Variants in SH3BP5 observed in about 807,000 individuals in gnomAD.
SH3BP5 encodes SH3 domain binding protein 5, also known as SH3 domain-binding protein 5.
SH3BP5 carries 22 observed loss-of-function variants against 43.3 expected under a neutral mutation model. The ratio of observed to expected loss-of-function variants is 0.51; its 90% CI spans 0.36 to 0.73. SH3BP5 has a LOEUF of 0.73. Ranked by LOEUF, SH3BP5 falls within the 30% of genes least tolerant of loss-of-function variation. The probability of loss-of-function intolerance (pLI) is 0.00; values close to 1 mark genes in which losing one functional copy is unlikely to be tolerated. For missense variants in SH3BP5, 529 were observed against 586.9 expected, an observed-to-expected ratio of 0.90 and a Z score of 1.02; for synonymous variants, 255 against 225.8, an observed-to-expected ratio of 1.13 and a Z score of -1.16.
At chr3:15,281,133 G>A (rs1279841756) in intron 3 of SH3BP5, among the ~76,000 whole-genome samples, 1 of 152,312 alleles carries the variant, frequency 6.6e-6, no homozygotes, top group South Asian at 2.1e-4. Flanking sequence ...GATGTATAAA[G>A]AACTGGGATG....
chr3:15,270,925 C>A (rs377539540), intron 3 of SH3BP5, among the ~76,000 whole-genome samples: 1,003 of 97,986 alleles, frequency 0.01, no homozygotes, highest in African/African-American at 0.015. Flanking sequence ...GACTCCATCT[C>A]AAAAAAAAAA....
intron 3 of SH3BP5, 145 bp from the exon 4 acceptor site, chr3:15,270,022 G>T: frequency 1.5e-6 from 1 of 654,408 alleles, no homozygotes; most frequent in Non-Finnish European, 2.5e-6. Context: ...GGTCCTCATA[G>T]ATGCCAGACA....
At chr3:15,259,105 T>C (rs1696334252) in intron 6 of SH3BP5, 55 bp from the exon 7 acceptor site, 3 of 1,394,364 alleles carry the variant, frequency 2.2e-6, no homozygotes, top group African/African-American at 1.4e-5. Flanking sequence ...CTTAAGATGC[T>C]TTCTGAATGA....
chr3:15,279,980 C>A (rs1410662093), intron 3 of SH3BP5, among the ~76,000 whole-genome samples: 3 of 152,152 alleles, frequency 2.0e-5, no homozygotes, highest in Non-Finnish European at 2.9e-5. Context: ...CTCCCTAATT[C>A]ATGTAAAAGC....
chr3:15,296,848 C>G (rs909642771), intron 3 of SH3BP5, among the ~76,000 whole-genome samples: 2 of 148,574 alleles, frequency 1.3e-5, no homozygotes, highest in Non-Finnish European at 3.0e-5. Flanking sequence ...CAAGCACCAC[C>G]ATGTCTGGCT....
At chr3:15,272,369 G>A (rs1047645920) in intron 3 of SH3BP5, among the ~76,000 whole-genome samples, 16 of 152,218 alleles carry the variant, frequency 1.1e-4, no homozygotes, top group Admixed American at 2.0e-4. Context: ...CAGCAGGAAG[G>A]GAGGAATGGC....
chr3:15,296,697 T>C (rs1250292661), intron 3 of SH3BP5, among the ~76,000 whole-genome samples: 1 of 144,078 alleles, frequency 6.9e-6, no homozygotes, highest in Admixed American at 6.8e-5. Flanking sequence ...GTTTTTCCTT[T>C]TTTTTTTTTT....
In SH3BP5 at chr3:15,254,514, C is replaced by G. The variant is rs1446565522; in HGVS notation, c.*1572G>C. 6.6e-6 allele frequency: 1 copy of G among 151,672 alleles called. No individual in the cohort carries two copies. Among genetic ancestry groups the G allele is most frequent in the Non-Finnish European group, 1.5e-5 (1 of 68,036 alleles). The allele number at this position is 151,672 out of a possible 1,614,324, so 9.4% of individuals were successfully genotyped here. ...GTCTAATGCCCCAGTGTACCCCCCC[C>G]AGTTAATTAATTAAATAATTCTCTG... is the stretch of plus-strand genomic sequence containing the variant. On this transcript the variant is annotated 3_prime_UTR_variant, in exon 9 of 9. Transcript: ENST00000383791.
intron 1 of SH3BP5, among the ~76,000 whole-genome samples, chr3:15,340,423 C>A (rs1363527999): frequency 6.6e-6 from 1 of 152,088 alleles, no homozygotes; most frequent in Non-Finnish European, 1.5e-5. Flanking sequence ...AGCATCTGCT[C>A]TAGTGGAGCT....
At chr3:15,256,801 G>A in intron 8 of SH3BP5, 52 bp downstream of exon 8, 1 of 1,558,426 alleles carries the variant, frequency 6.4e-7, no homozygotes. Flanking sequence ...ACAACAGTCA[G>A]GCTACAGAGG....
intron 3 of SH3BP5, among the ~76,000 whole-genome samples, chr3:15,301,981 C>G (rs528514401): frequency 6.6e-6 from 1 of 152,230 alleles, no homozygotes; most frequent in South Asian, 2.1e-4. Context: ...TTAATAGATA[C>G]GCGTGGGCTA....
At chr3:15,264,192 G>A (rs1439913124) in intron 4 of SH3BP5, 1 of 152,040 alleles carries the variant, frequency 6.6e-6, no homozygotes, top group East Asian at 1.9e-4. Context: ...GTCCTGTCTA[G>A]GGCACCCTTC....
chr3:15,290,625 G>A (rs1294926515), intron 3 of SH3BP5, among the ~76,000 whole-genome samples: 1 of 151,962 alleles, frequency 6.6e-6, no homozygotes, highest in African/African-American at 2.4e-5. Flanking sequence ...CTTGAACCTA[G>A]GAGGTGGAGC....
In SH3BP5 at chr3:15,331,449, GA is replaced by G. The variant is rs1055607898; in HGVS notation, c.138+821del. Among the ~76,000 whole-genome samples the G allele has an allele frequency of 2.0e-4, 30 of 151,694 alleles. 1 individual carries two copies. The highest frequency in any genetic ancestry group is 1.7e-3 in the Admixed American group (26 of 15,200). Reference sequence around the variant, plus strand: ...AAAAAAATGATTTATTGAAAAGGTAGAAAAAAAACGGGCCTTAGAAAGGGAT... The same window carrying G: ...AAAAAAATGATTTATTGAAAAGGTAGAAAAAAACGGGCCTTAGAAAGGGAT... On this transcript the variant is annotated intron_variant, in intron 1 of 8. Coordinates refer to ENST00000383791, the MANE Select transcript of SH3BP5 (RefSeq NM_004844.5).
chr3:15,312,753 A>T (rs1698090541), intron 2 of SH3BP5, among the ~76,000 whole-genome samples: 1 of 152,158 alleles, frequency 6.6e-6, no homozygotes, highest in Non-Finnish European at 1.5e-5. Context: ...AGCCTTCCGT[A>T]AAGAGGGGAA....
chr3:15,296,459 G>T (rs1697575202), intron 3 of SH3BP5, among the ~76,000 whole-genome samples: 2 of 152,010 alleles, frequency 1.3e-5, no homozygotes, highest in South Asian at 4.1e-4. Context: ...GGGAATGTCA[G>T]CTCCACAAGG....
intron 3 of SH3BP5, among the ~76,000 whole-genome samples, chr3:15,295,769 T>C (rs1697550894): frequency 6.6e-6 from 1 of 152,090 alleles, no homozygotes; most frequent in Admixed American, 6.5e-5. Context: ...GATGAAAACA[T>C]GGCTGGATTT....
intron 3 of SH3BP5, among the ~76,000 whole-genome samples, chr3:15,278,538 T>C (rs1697034717): frequency 6.6e-6 from 1 of 152,212 alleles, no homozygotes; most frequent in Admixed American, 6.5e-5. Context: ...GGACCAGAGA[T>C]AGAAACTGGC....
intron 6 of SH3BP5, 139 bp from the exon 7 acceptor site, chr3:15,259,189 C>G: frequency 1.5e-6 from 1 of 672,882 alleles, no homozygotes; most frequent in African/African-American, 1.8e-5. Context: ...GACCTAATTA[C>G]CATTGTAACT....
Sources: gnomAD v4.1 joint callset for allele counts (sites outside exome capture counted in the v4.1 genomes callset) on GRCh38, gnomAD v4.1.1 for gene constraint, MANE v1.5 for transcripts, NCBI Gene and HGNC (gene_info 2026-07-23, HGNC 2026-07-21) for gene names.